Variants in EFCAB7 observed in about 807,000 individuals in gnomAD.
The protein encoded by EFCAB7 is EF-hand calcium-binding domain-containing protein 7.
In EFCAB7, 66 loss-of-function variants were observed where a neutral mutation model predicts 77.1. That is an observed-to-expected ratio of 0.86 (90% CI 0.70 to 1.05). The LOEUF (loss-of-function observed/expected upper bound fraction) is 1.05, where lower values mean the gene tolerates loss of function less well. Among genes scored for constraint, EFCAB7 ranks in the 50% least tolerant of loss-of-function variants. The pLI is 0.00. For synonymous variants in EFCAB7, 225 were observed against 243.3 expected (o/e 0.92, Z 0.70); for missense variants, 638 against 730.5 (o/e 0.87, Z 1.46).
Position 63,543,276 on chromosome 1 carries a change from C to A in EFCAB7, c.805-2640C>A, listed in dbSNP as rs535718845. Among the ~76,000 whole-genome samples the A allele has an allele frequency of 6.6e-4, 101 of 152,240 alleles. 1 individual carries two copies. In the South Asian group the frequency reaches 0.02, roughly 30 times the overall value. On this transcript the variant is annotated intron_variant, in intron 6 of 13. Transcript: ENST00000371088. Reference sequence around the variant, plus strand: ...AGGCAAGGATTTATTTATGGGCTATCCATTCTGTTCTATTGTTCTGTATGT... The same window carrying A: ...AGGCAAGGATTTATTTATGGGCTATACATTCTGTTCTATTGTTCTGTATGT...
At chr1:63,556,807 G>C (rs1036886825) in intron 9 of EFCAB7, among the ~76,000 whole-genome samples, 2 of 151,590 alleles carry the variant, frequency 1.3e-5, no homozygotes, top group Non-Finnish European at 2.9e-5. Context: ...CGGATCACGA[G>C]GTCAGGAGAT....
chr1:63,535,917 A>G (rs1646757558), intron 6 of EFCAB7, among the ~76,000 whole-genome samples: 1 of 152,178 alleles, frequency 6.6e-6, no homozygotes, highest in Non-Finnish European at 1.5e-5. Flanking sequence ...TAAGAGGCCG[A>G]TAGAGTTTTC....
intron 7 of EFCAB7, among the ~76,000 whole-genome samples, chr1:63,550,880 A>G (rs971452794): frequency 1.3e-5 from 2 of 152,190 alleles, no homozygotes; most frequent in African/African-American, 4.8e-5. Flanking sequence ...TGACCTGAGC[A>G]ACTGGAAAGA....
chr1:63,572,606 C>T lies in EFCAB7; in HGVS notation c.*90C>T, dbSNP rs1023404388. The T allele has an allele frequency of 1.1e-5, 13 of 1,172,306 alleles. No homozygotes were observed. Among genetic ancestry groups the T allele is most frequent in the Non-Finnish European group, 1.5e-5 (13 of 891,408 alleles). The allele number at this position is 1,172,306 out of a possible 1,614,324, so 72.6% of individuals were successfully genotyped here. A position where few individuals can be genotyped will look rare whatever the true frequency, so the allele number is the denominator to read the frequency against. On this transcript the variant is annotated 3_prime_UTR_variant, in exon 14 of 14. Transcript: ENST00000371088. ...AACTAAATGCTACTTAACTGATGTA[C>T]CTAAATAATAATCTATTCAATTTAT...
intron 6 of EFCAB7, among the ~76,000 whole-genome samples, chr1:63,540,715 GTAAGT>G (rs540340852): frequency 2.0e-5 from 3 of 152,200 alleles, no homozygotes; most frequent in South Asian, 4.1e-4. Context: ...ATAAATTTCA[GTAAGT>G]TAAGGTCACA....
chr1:63,566,432 C>T (rs997713130), intron 11 of EFCAB7, among the ~76,000 whole-genome samples: 2 of 152,126 alleles, frequency 1.3e-5, no homozygotes, highest in Non-Finnish European at 2.9e-5. Context: ...AATAATCTTA[C>T]AACAAACTCC....
chr1:63,538,057 A>T (rs1297484723), intron 6 of EFCAB7, among the ~76,000 whole-genome samples: 1 of 152,196 alleles, frequency 6.6e-6, no homozygotes, highest in Non-Finnish European at 1.5e-5. Flanking sequence ...TATGAATGAA[A>T]ATAAGTAAAA....
chr1:63,537,104 C>T (rs11208237), intron 6 of EFCAB7, among the ~76,000 whole-genome samples: 24,009 of 152,104 alleles, frequency 0.16, 1,939 homozygotes, highest in Middle Eastern at 0.26. Flanking sequence ...AGGTACTATA[C>T]GCATATTACT....
At chr1:63,536,867 T>C (rs1299517196) in intron 6 of EFCAB7, 1 of 152,228 alleles carries the variant, frequency 6.6e-6, no homozygotes, top group Non-Finnish European at 1.5e-5. Context: ...AATAAATTAC[T>C]GAAAGGATTG....
rs760622312 is a variant in EFCAB7, at chr1:63,557,267, T to C, written c.1348+20T>C. The C allele has an allele frequency of 6.3e-7, 1 of 1,579,192 alleles. No individual in the cohort carries two copies. Among genetic ancestry groups the C allele is most frequent in the South Asian group, 1.2e-5 (1 of 84,144 alleles). The stretch of plus-strand genomic sequence containing the variant: ...GCAGAGGTAAGCACTTTTCTTTTCC[T>C]TAACAGATGTATAAAAATATATATA... On this transcript the variant is annotated intron_variant, in intron 10 of 13. Transcript: ENST00000371088.
At chr1:63,573,661 A>G (rs958293534), downstream of EFCAB7, among the ~76,000 whole-genome samples, 2 of 152,162 alleles carry the variant, frequency 1.3e-5, no homozygotes, top group African/African-American at 4.8e-5. Flanking sequence ...GACAGAAGAC[A>G]GTAGGGATGA....
At chr1:63,540,862 A>G (rs1407257048) in intron 6 of EFCAB7, among the ~76,000 whole-genome samples, 1 of 152,174 alleles carries the variant, frequency 6.6e-6, no homozygotes, top group Non-Finnish European at 1.5e-5. Flanking sequence ...AATGCAGTTT[A>G]AGAAGAAATT....
chr1:63,581,382 TAA>T, the EFCAB7 span, among the ~76,000 whole-genome samples: 14,720 of 98,846 alleles, frequency 0.15, 1,080 homozygotes, highest in Middle Eastern at 0.25. Flanking sequence ...TCCCGTCTCT[TAA>T]AAAAAAAAAA....
At chr1:63,566,692 AATT>A (rs1184733644) in intron 11 of EFCAB7, among the ~76,000 whole-genome samples, 3 of 151,802 alleles carry the variant, frequency 2.0e-5, no homozygotes, top group Admixed American at 6.6e-5. Context: ...CCATACTCAT[AATT>A]ATTATAAATA....
the EFCAB7 span, among the ~76,000 whole-genome samples, chr1:63,581,866 T>C: frequency 6.6e-6 from 1 of 152,198 alleles, no homozygotes; most frequent in African/African-American, 2.4e-5. Context: ...ATAAAATCTA[T>C]TATAAAAAGT....
chr1:63,572,344 ATTCT>A (rs1375859818), intron 13 of EFCAB7, 94 bp from the exon 14 acceptor site: 3 of 932,068 alleles, frequency 3.2e-6, no homozygotes, highest in Non-Finnish European at 3.2e-6. Context: ...GTACAGGGAT[ATTCT>A]TATACAAGGC....
At position 63,572,427 on chromosome 1, in the gene EFCAB7, T is replaced by C. The variant is rs1165726002; in HGVS notation, c.1816-15T>C. The C allele has an allele frequency of 6.4e-7, 1 of 1,570,222 alleles. No homozygotes were observed. Among genetic ancestry groups the C allele is most frequent in the Admixed American group, 2.0e-5 (1 of 48,792 alleles). ...ATATAAAAAGAGAGTAAAAGCTTTC[T>C]ATTTTTATGTGCAGGTTTGTCAACA... On this transcript the variant is annotated splice_polypyrimidine_tract_variant and intron_variant, in intron 13 of 13. Transcript: ENST00000371088.
rs527291713 is a variant in EFCAB7, at chr1:63,552,371, C to G, written c.1056+537C>G. 1.0e-3 allele frequency among the ~76,000 whole-genome samples: 158 copies of G among 152,272 alleles called. 2 individuals carry two copies. The highest frequency in any genetic ancestry group is 3.5e-3 in the African/African-American group (147 of 41,566). On this transcript the variant is annotated intron_variant, in intron 8 of 13. Transcript: ENST00000371088. ...GCCTCATGTGTGAACATTTGATATACTCAATAAAAAAGGTTGATGCCAGTA... is the reference window on the plus strand; with the variant it reads ...GCCTCATGTGTGAACATTTGATATAGTCAATAAAAAAGGTTGATGCCAGTA...
At chr1:63,540,363 CAAAA>C (rs758025864) in intron 6 of EFCAB7, among the ~76,000 whole-genome samples, 1 of 44,326 alleles carries the variant, frequency 2.3e-5, no homozygotes, top group Non-Finnish European at 5.0e-5. Flanking sequence ...GACTCCATCT[CAAAA>C]AAAAAAAAAA....
Sources: allele counts gnomAD v4.1 joint callset (sites outside exome capture counted in the v4.1 genomes callset), GRCh38; gene constraint gnomAD v4.1.1; transcripts MANE v1.5; gene names NCBI Gene and HGNC (gene_info 2026-07-23, HGNC 2026-07-21).